The following MYH15 variants were observed in gnomAD, a reference collection of about 807,000 sequenced individuals.
MYH15 encodes the protein myosin heavy chain 15, also known as myosin-15.
A neutral mutation model predicts 240.5 loss-of-function variants in MYH15; 227 were observed. The ratio of observed to expected loss-of-function variants is 0.94; its 90% CI spans 0.85 to 1.05. The LOEUF (loss-of-function observed/expected upper bound fraction) is 1.05. MYH15 is among the 50% of genes least tolerant of loss of function. The pLI, the probability that MYH15 is intolerant of heterozygous loss-of-function variation, is 0.00. For missense variants in MYH15, 2,217 were observed against 2,247.5 expected, an observed-to-expected ratio of 0.99 and a Z score of 0.27; for synonymous variants, 785 against 796.7, an observed-to-expected ratio of 0.99 and a Z score of 0.25.
chr3:108,450,863 CACAA>C (rs549063413), intron 21 of MYH15, among the ~76,000 whole-genome samples: 1 of 151,232 alleles, frequency 6.6e-6, no homozygotes. Context: ...AAAAAATAAA[CACAA>C]AGAAAGTAGA....
intron 4 of MYH15, 52 bp from the exon 5 acceptor site, chr3:108,499,534 T>C: frequency 6.4e-7 from 1 of 1,565,034 alleles, no homozygotes; most frequent in Non-Finnish European, 8.8e-7. Flanking sequence ...TATTTATGTA[T>C]TAGTATGAAC....
rs746880663 is a variant in MYH15 at position 108,441,176 on chromosome 3, G to A, written c.2740C>T (p.Leu914=). ...KIQLEARVKE[L]SERVEEEEEI... is the part of the protein sequence containing the mutation. ...TCTTCTTCCTCCACCCTCTCCGACAGCTCCTTTACTCTGGCCTCCAGCTGG... is the reference window on the plus strand; with the variant it reads ...TCTTCTTCCTCCACCCTCTCCGACAACTCCTTTACTCTGGCCTCCAGCTGG... Residue 914 remains leucine (L), a synonymous_variant, in exon 23 of 41, where the codon CTG becomes TTG. Coordinates refer to ENST00000693548, the MANE Select transcript of MYH15 (RefSeq NM_014981.3). The A allele has an allele frequency of 3.7e-6, 6 of 1,614,060 alleles. No homozygotes were observed. Among genetic ancestry groups the A allele is most frequent in the Non-Finnish European group, 5.1e-6 (6 of 1,179,984 alleles).
chr3:108,437,808 T>G, intron 24 of MYH15, 109 bp from the exon 25 acceptor site: 1 of 1,148,192 alleles, frequency 8.7e-7, no homozygotes, highest in Non-Finnish European at 1.2e-6. Context: ...CAAGCACAAA[T>G]TCTATAAATG....
rs753771756 is a variant in MYH15, at chr3:108,401,305, T to A, written c.4737-2038A>T. On this transcript the variant is annotated intron_variant, in intron 33 of 40. Coordinates refer to ENST00000693548, the MANE Select transcript of MYH15 (RefSeq NM_014981.3). Reference sequence around the variant, plus strand: ...CCAATGGGACTAGTTAGCATCCTTATAAGAAGAGGAAGAGACACAGGGATG... The same window carrying A: ...CCAATGGGACTAGTTAGCATCCTTAAAAGAAGAGGAAGAGACACAGGGATG... Among the ~76,000 whole-genome samples the A allele has an allele frequency of 2.0e-3, 302 of 152,236 alleles. 3 individuals are homozygous for A. Among genetic ancestry groups the A allele is most frequent in the Non-Finnish European group, 5.4e-4 (37 of 68,010 alleles).
upstream of MYH15, among the ~76,000 whole-genome samples, chr3:108,531,136 G>A (rs2083707837): frequency 6.6e-6 from 1 of 152,202 alleles, no homozygotes; most frequent in South Asian, 2.1e-4. Context: ...GAATGAGGGA[G>A]AATGAGACCA....
intron 22 of MYH15, among the ~76,000 whole-genome samples, chr3:108,443,233 T>C (rs137934124): frequency 2.6e-5 from 4 of 152,326 alleles, no homozygotes; most frequent in African/African-American, 7.2e-5. Flanking sequence ...ACTGTATACA[T>C]TGAAGTTGTA....
intron 1 of MYH15, among the ~76,000 whole-genome samples, chr3:108,507,119 T>A (rs1462756564): frequency 6.6e-6 from 1 of 151,680 alleles, no homozygotes; most frequent in African/African-American, 2.4e-5. Flanking sequence ...ATGGGGAAGA[T>A]CACTTGAACC....
chr3:108,399,292 G>A, intron 33 of MYH15, 25 bp from the exon 34 acceptor site: 1 of 1,566,976 alleles, frequency 6.4e-7, no homozygotes, highest in East Asian at 2.3e-5. Flanking sequence ...CATTTGGAGT[G>A]GGGGAAATGA....
At chr3:108,512,332 T>C (rs988894689), upstream of MYH15, among the ~76,000 whole-genome samples, 2 of 152,026 alleles carry the variant, frequency 1.3e-5, no homozygotes, top group Non-Finnish European at 2.9e-5. Flanking sequence ...GGCAGGAACA[T>C]GAGGAAAGCA....
At position 108,381,205 on chromosome 3, in the gene MYH15, C is replaced by T. The variant is rs921203615; in HGVS notation, c.*340G>A. The stretch of plus-strand genomic sequence containing the variant: ...CCATGAAGCGTGACTGGTCTAAGGA[C>T]ATCTTCTATGAGTCCTACCCATTAA... On this transcript the variant is annotated 3_prime_UTR_variant, in exon 41 of 41. Transcript: ENST00000693548. 8.8e-6 allele frequency: 3 copies of T among 340,882 alleles called. No individual in the cohort carries two copies. The highest frequency in any genetic ancestry group is 3.4e-5 in the South Asian group (1 of 29,736). 21.1% of individuals were successfully genotyped at this position (340,882 alleles called of 1,614,324 possible).
At chr3:108,535,725 G>A in the MYH15 span, among the ~76,000 whole-genome samples, 3 of 152,042 alleles carry the variant, frequency 2.0e-5, no homozygotes, top group Non-Finnish European at 2.9e-5. Context: ...GTACACTAAG[G>A]TAAGTGTATT....
upstream of MYH15, among the ~76,000 whole-genome samples, chr3:108,513,073 T>G (rs2083533303): frequency 6.6e-6 from 1 of 152,102 alleles, no homozygotes; most frequent in Admixed American, 6.6e-5. Context: ...AATAACACAC[T>G]TGTCACAGCC....
Position 108,470,641 on chromosome 3 carries a change from C to T in MYH15, c.1383+57G>A, listed in dbSNP as rs373152325. On this transcript the variant is annotated intron_variant, in intron 13 of 40. Transcript: ENST00000693548. ...ACCATATTTTCCCATCTTCAAGTAACGTTTTCTAATCTTCTTATAAATATG... is the reference window on the plus strand; with the variant it reads ...ACCATATTTTCCCATCTTCAAGTAATGTTTTCTAATCTTCTTATAAATATG... 7.0e-5 allele frequency: 111 copies of T among 1,575,356 alleles called. 2 individuals are homozygous for T. The African/African-American group carries it at 7.4e-4, about 11-fold the overall frequency.
the MYH15 span, chr3:108,543,565 C>T: frequency 1.3e-5 from 2 of 152,382 alleles, no homozygotes; most frequent in African/African-American, 4.8e-5. Flanking sequence ...TCAGGACTCA[C>T]CCGACTTGTT....
At chr3:108,485,263 T>C (rs1478410692) in intron 10 of MYH15, 34 bp from the exon 11 acceptor site, 3 of 1,612,274 alleles carry the variant, frequency 1.9e-6, no homozygotes. Context: ...CCTGTCTTCA[T>C]TTGCTTAATG....
intron 30 of MYH15, among the ~76,000 whole-genome samples, chr3:108,412,147 G>A (rs1237717374): frequency 6.6e-6 from 1 of 152,190 alleles, no homozygotes; most frequent in Non-Finnish European, 1.5e-5. Context: ...CAGGTGATAT[G>A]GTTTGGCTGT....
intron 24 of MYH15, among the ~76,000 whole-genome samples, chr3:108,438,236 C>G (rs1220611807): frequency 6.6e-6 from 1 of 152,156 alleles, no homozygotes; most frequent in Middle Eastern, 3.2e-3. Context: ...GATTTCCAAG[C>G]CCCGTCACCA....
chr3:108,529,032 A>C (rs1185203954), intron 1 of MYH15, among the ~76,000 whole-genome samples: 1 of 152,210 alleles, frequency 6.6e-6, no homozygotes, highest in Non-Finnish European at 1.5e-5. Context: ...GAGCACACAG[A>C]ATGAAATCAC....
In MYH15 at chr3:108,498,985, C is replaced by T. The variant is rs188372418; in HGVS notation, c.524+470G>A. Among the ~76,000 whole-genome samples, 11 of 152,330 alleles carry T rather than the reference C, an allele frequency of 7.2e-5. No homozygotes were observed. In the East Asian group the frequency reaches 1.3e-3, roughly 19 times the overall value. Reference sequence around the variant, plus strand: ...GTGACACTTCCGTCTATCCTTTTTACGCCCTTTCTTATTTCTCTAAATGTC... The same window carrying T: ...GTGACACTTCCGTCTATCCTTTTTATGCCCTTTCTTATTTCTCTAAATGTC... On this transcript the variant is annotated intron_variant, in intron 5 of 40. Transcript: ENST00000693548.
Sources: gnomAD v4.1 joint callset for allele counts (sites outside exome capture counted in the v4.1 genomes callset) on GRCh38, gnomAD v4.1.1 for gene constraint, MANE v1.5 for transcripts, NCBI Gene and HGNC (gene_info 2026-07-23, HGNC 2026-07-21) for gene names.